Variants in RBKS observed in about 807,000 individuals in gnomAD.
RBKS encodes the protein ribokinase.
Under a neutral mutation model 33.9 loss-of-function variants are expected in RBKS, and 33 were observed. The ratio of observed to expected loss-of-function variants is 0.97; its 90% confidence interval spans 0.74 to 1.30. The LOEUF (loss-of-function observed/expected upper bound fraction) is 1.30, where lower values mean the gene tolerates loss of function less well. Among genes scored for constraint, RBKS ranks in the 50% most tolerant of loss-of-function variants. RBKS has a pLI of 0.00. For missense variants in RBKS, 361 were observed against 392.6 expected (o/e 0.92, Z 0.68); for synonymous variants, 125 against 143.0 (o/e 0.87, Z 0.90).
At chr2:27,812,886 G>A (rs540537710) in intron 7 of RBKS, among the ~76,000 whole-genome samples, 120 of 151,214 alleles carry the variant, frequency 7.9e-4, no homozygotes, top group Middle Eastern at 3.4e-3. Context: ...TTAGAAAAGT[G>A]CTTAGAAAAA....
Position 27,890,355 on chromosome 2 carries a change from G to C in RBKS, c.-10C>G, listed in dbSNP as rs1422553099. On this transcript the variant is annotated 5_prime_UTR_variant, in exon 1 of 8. Coordinates refer to ENST00000302188, the MANE Select transcript of RBKS (RefSeq NM_022128.3). The surrounding 1 kb of genome is among the most constrained non-coding windows in gnomAD (Gnocchi z 4.8). ...CCCCAGACGCCGCCATCGCTCAAAGGTGCTGCTGTCCAACCTGGACGGTGA... is the reference window on the plus strand; with the variant it reads ...CCCCAGACGCCGCCATCGCTCAAAGCTGCTGCTGTCCAACCTGGACGGTGA... The C allele has an allele frequency of 6.2e-7, 1 of 1,612,274 alleles. No homozygotes were observed. The highest frequency in any genetic ancestry group is 1.3e-5 in the African/African-American group (1 of 75,010).
intron 1 of RBKS, chr2:27,870,618 T>C: frequency 2.7e-6 from 1 of 364,844 alleles, no homozygotes; most frequent in East Asian, 7.4e-5. Context: ...TCCTGCAAAA[T>C]GCTGTTAAGT....
At chr2:27,831,105 G>A (rs916582870) in intron 6 of RBKS, among the ~76,000 whole-genome samples, 2 of 152,122 alleles carry the variant, frequency 1.3e-5, no homozygotes, top group African/African-American at 4.8e-5. Flanking sequence ...CAGGCATCGC[G>A]TGGGAGAGTC....
At chr2:27,801,865 TCTCA>T (rs1302710712) in intron 7 of RBKS, among the ~76,000 whole-genome samples, 3 of 146,156 alleles carry the variant, frequency 2.1e-5, no homozygotes, top group Non-Finnish European at 4.5e-5. Context: ...TGACACAGGG[TCTCA>T]CTCTGTCACC....
At chr2:27,797,513 G>A (rs1254911695) in intron 7 of RBKS, among the ~76,000 whole-genome samples, 4 of 152,236 alleles carry the variant, frequency 2.6e-5, no homozygotes, top group African/African-American at 9.6e-5. Flanking sequence ...CAGCAGCAGA[G>A]CAGATGGAGA....
intron 7 of RBKS, among the ~76,000 whole-genome samples, chr2:27,801,950 G>GAA (rs1217494223): frequency 0.045 from 1,818 of 40,300 alleles, 124 homozygotes; most frequent in East Asian, 0.11. Context: ...AGTAGCTGGG[G>GAA]AAAAAAAAAA....
chr2:27,783,698 G>A (rs998018216), intron 7 of RBKS, among the ~76,000 whole-genome samples: 1 of 151,996 alleles, frequency 6.6e-6, no homozygotes, highest in Non-Finnish European at 1.5e-5. Context: ...ACGAGGTCAG[G>A]AGATCGAGAC....
chr2:27,863,819 C>T (rs1401166619), intron 1 of RBKS, among the ~76,000 whole-genome samples: 4 of 152,192 alleles, frequency 2.6e-5, no homozygotes, highest in Non-Finnish European at 5.9e-5. Context: ...TTCTTCTCAG[C>T]ATTTGTATAT....
chr2:27,785,670 G>C (rs1299575737), intron 7 of RBKS, among the ~76,000 whole-genome samples: 1 of 151,500 alleles, frequency 6.6e-6, no homozygotes, highest in Non-Finnish European at 1.5e-5. Flanking sequence ...GGCTGAGGCA[G>C]AGAACTGCTT....
At chr2:27,854,406 G>A (rs1440899760) in intron 2 of RBKS, among the ~76,000 whole-genome samples, 1 of 152,124 alleles carries the variant, frequency 6.6e-6, no homozygotes, top group Non-Finnish European at 1.5e-5. Context: ...TTTTCCAGTT[G>A]GACCCTGCTG....
chr2:27,817,418 T>G lies in RBKS; in HGVS notation c.795+10149A>C, dbSNP rs577120511. Among the ~76,000 whole-genome samples, 127 of 152,366 alleles carry G rather than the reference T, an allele frequency of 8.3e-4. 2 individuals are homozygous for G. In the South Asian group the frequency reaches 0.022, roughly 27 times the overall value. On this transcript the variant is annotated intron_variant, in intron 7 of 7. Coordinates refer to ENST00000302188, the MANE Select transcript of RBKS (RefSeq NM_022128.3). ...TTGATCATTCACTGATGAGAATGAA[T>G]GAACATGAGTTGTTCCAGAACCTTT...
chr2:27,787,093 A>G (rs192918024), intron 7 of RBKS, among the ~76,000 whole-genome samples: 9 of 152,144 alleles, frequency 5.9e-5, no homozygotes, highest in African/African-American at 1.9e-4. Context: ...GACTCAAGCA[A>G]TCCTTCCACC....
intron 7 of RBKS, among the ~76,000 whole-genome samples, chr2:27,825,672 C>A (rs1185551844): frequency 6.6e-6 from 1 of 152,190 alleles, no homozygotes; most frequent in East Asian, 1.9e-4. Context: ...ATGAGGAAGG[C>A]AGAGCTGACA....
intron 1 of RBKS, among the ~76,000 whole-genome samples, chr2:27,879,524 C>A (rs1239776757): frequency 6.6e-6 from 1 of 152,112 alleles, no homozygotes; most frequent in Non-Finnish European, 1.5e-5. Context: ...TCCCCTCAAC[C>A]TGCTTTATTC....
chr2:27,811,726 G>T (rs1425129585), intron 7 of RBKS, among the ~76,000 whole-genome samples: 1 of 152,132 alleles, frequency 6.6e-6, no homozygotes, highest in Non-Finnish European at 1.5e-5. Context: ...GATTTTCCCA[G>T]AGTCCAAAAA....
chr2:27,811,927 A>G (rs1220608729), intron 7 of RBKS, among the ~76,000 whole-genome samples: 1 of 152,150 alleles, frequency 6.6e-6, no homozygotes, highest in Non-Finnish European at 1.5e-5. Context: ...AAATTCCACC[A>G]CTGGCTCAGA....
rs6744348 is a variant in RBKS, at chr2:27,795,158, A to C, written c.796-13370T>G. Among the ~76,000 whole-genome samples the C allele has an allele frequency of 0.28, 42,491 of 152,004 alleles. 6,667 individuals are homozygous for C. Among genetic ancestry groups the C allele is most frequent in the East Asian group, 0.59 (3,033 of 5,142 alleles). On this transcript the variant is annotated intron_variant, in intron 7 of 7. Coordinates refer to ENST00000302188, the MANE Select transcript of RBKS (RefSeq NM_022128.3). This position sits in a 1 kb window ranked among gnomAD's most constrained non-coding sequence, Gnocchi z 4.1. Reference sequence around the variant, plus strand: ...CCCTGCTGACTCCTTAGAGTTTTACAATCCCTTAAAAGTCCTGTGTGTTCA... The same window carrying C: ...CCCTGCTGACTCCTTAGAGTTTTACCATCCCTTAAAAGTCCTGTGTGTTCA...
intron 7 of RBKS, among the ~76,000 whole-genome samples, chr2:27,803,507 T>C (rs752543869): frequency 4.0e-5 from 6 of 151,112 alleles, no homozygotes; most frequent in African/African-American, 1.2e-4. Flanking sequence ...CTGGGCAACA[T>C]GGTGAGACCC....
chr2:27,809,544 C>A (rs1450511574), intron 7 of RBKS: 2 of 166,920 alleles, frequency 1.2e-5, no homozygotes, highest in African/African-American at 4.8e-5. Flanking sequence ...ACTAAAATGT[C>A]TGTTAGTGAT....
Sources: allele counts gnomAD v4.1 joint callset (sites outside exome capture counted in the v4.1 genomes callset), GRCh38; gene constraint gnomAD v4.1.1; non-coding constraint Gnocchi (gnomAD v3.1); transcripts MANE v1.5; gene names NCBI Gene and HGNC (gene_info 2026-07-23, HGNC 2026-07-21).